LRRC4C: variants seen among roughly 807,000 people sequenced by gnomAD.
LRRC4C encodes the protein leucine rich repeat containing 4C.
Under a neutral mutation model 33.6 loss-of-function variants are expected in LRRC4C, and 5 were observed. That is an observed-to-expected ratio of 0.15 (90% CI 0.08 to 0.31). LRRC4C has a LOEUF of 0.31. Ranked by LOEUF, LRRC4C falls within the 10% of genes least tolerant of loss-of-function variation. The pLI, the probability that LRRC4C is intolerant of heterozygous loss-of-function variation, is 1.00. For synonymous variants in LRRC4C, 329 were observed against 302.0 expected, an observed-to-expected ratio of 1.09 and a Z score of -0.93; for missense variants, 560 against 796.7, an observed-to-expected ratio of 0.70 and a Z score of 3.58.
chr11:41,190,568 G>A (rs1945897842), intron 1 of LRRC4C, among the ~76,000 whole-genome samples: 1 of 152,138 alleles, frequency 6.6e-6, no homozygotes, highest in Admixed American at 6.6e-5. Flanking sequence ...CACGGTCAGA[G>A]AACTGTGCAC....
chr11:40,268,060 C>A (rs752563784), intron 4 of LRRC4C, among the ~76,000 whole-genome samples: 5 of 152,116 alleles, frequency 3.3e-5, no homozygotes, highest in Non-Finnish European at 5.9e-5. Flanking sequence ...GCGTACAGCT[C>A]CCGAGTTAGG....
chr11:40,824,257 A>G (rs1187949376), intron 2 of LRRC4C, among the ~76,000 whole-genome samples: 1 of 151,910 alleles, frequency 6.6e-6, no homozygotes, highest in Non-Finnish European at 1.5e-5. Context: ...ACATTATAGA[A>G]TTATACATTT....
intron 1 of LRRC4C, among the ~76,000 whole-genome samples, chr11:41,356,608 C>T (rs572353702): frequency 6.0e-4 from 91 of 152,184 alleles, no homozygotes; most frequent in African/African-American, 2.0e-3. Context: ...GACTTTAATC[C>T]TCCATCCTTC....
chr11:41,274,009 G>A (rs578148394), intron 1 of LRRC4C, among the ~76,000 whole-genome samples: 2 of 152,248 alleles, frequency 1.3e-5, no homozygotes, highest in East Asian at 3.9e-4. Context: ...AGGAAGCAAG[G>A]CCTGTAGGAA....
chr11:41,216,798 T>C (rs866313646), intron 1 of LRRC4C, among the ~76,000 whole-genome samples: 5 of 150,794 alleles, frequency 3.3e-5, no homozygotes, highest in Middle Eastern at 6.9e-3. Context: ...GATCTCCTCT[T>C]TCTCAATAAG....
At chr11:41,316,280 C>CAAAAAAAAAAAAAAAAAAA (rs796848005) in intron 1 of LRRC4C, among the ~76,000 whole-genome samples, 1 of 90,656 alleles carries the variant, frequency 1.1e-5, no homozygotes, top group African/African-American at 3.8e-5. Flanking sequence ...AAAAAAAAAA[C>CAAAAAAAAAAAAAAAAAAA]AAAAAAAAAC....
intron 3 of LRRC4C, among the ~76,000 whole-genome samples, chr11:40,417,829 G>A (rs1489506857): frequency 6.6e-6 from 1 of 152,130 alleles, no homozygotes; most frequent in African/African-American, 2.4e-5. Flanking sequence ...CTCTGAGGGA[G>A]TGAAGTATGG....
chr11:40,502,414 G>A (rs1954821736), intron 3 of LRRC4C, among the ~76,000 whole-genome samples: 1 of 152,110 alleles, frequency 6.6e-6, no homozygotes, highest in South Asian at 2.1e-4. Context: ...CGGGGAAGAA[G>A]AAAGGTTTAA....
chr11:41,340,390 A>G (rs79773092), intron 1 of LRRC4C, among the ~76,000 whole-genome samples: 5,016 of 152,282 alleles, frequency 0.033, 108 homozygotes, highest in African/African-American at 0.042. Context: ...TCATGAGAGT[A>G]TATGGGGCAT....
At chr11:41,202,429 A>C (rs890431398) in intron 1 of LRRC4C, among the ~76,000 whole-genome samples, 1 of 152,200 alleles carries the variant, frequency 6.6e-6, no homozygotes, top group African/African-American at 2.4e-5. Flanking sequence ...TATTAACTAC[A>C]TAAATATTCT....
chr11:40,596,203 C>T (rs1257979441), intron 3 of LRRC4C, among the ~76,000 whole-genome samples: 1 of 152,098 alleles, frequency 6.6e-6, no homozygotes, highest in Admixed American at 6.6e-5. Context: ...TAGGAGGTGG[C>T]TCTAGAAATG....
chr11:40,554,265 T>A (rs1957243623), intron 3 of LRRC4C, among the ~76,000 whole-genome samples: 1 of 152,344 alleles, frequency 6.6e-6, no homozygotes, highest in South Asian at 2.1e-4. Flanking sequence ...GTGACTTTAT[T>A]TCTAGGTTCT....
At chr11:40,706,767 G>C (rs1189284371) in intron 2 of LRRC4C, among the ~76,000 whole-genome samples, 1 of 152,100 alleles carries the variant, frequency 6.6e-6, no homozygotes, top group Non-Finnish European at 1.5e-5. Flanking sequence ...TAGCTTGATG[G>C]GGATGGCATT....
chr11:40,773,467 C>G (rs547526622), intron 2 of LRRC4C, among the ~76,000 whole-genome samples: 1 of 147,568 alleles, frequency 6.8e-6, no homozygotes, highest in Non-Finnish European at 1.5e-5. Context: ...ATCTCATGTA[C>G]CCCAGAAACA....
intron 1 of LRRC4C, among the ~76,000 whole-genome samples, chr11:41,389,405 C>A (rs980749692): frequency 6.6e-6 from 1 of 151,554 alleles, no homozygotes; most frequent in Non-Finnish European, 1.5e-5. Flanking sequence ...GTGGAAGAAT[C>A]TGGAACAAAT....
intron 3 of LRRC4C, among the ~76,000 whole-genome samples, chr11:40,484,065 G>A (rs982745335): frequency 6.6e-6 from 1 of 152,010 alleles, no homozygotes; most frequent in Non-Finnish European, 1.5e-5. Context: ...TTGGCAATAT[G>A]CCCAGCTGGA....
chr11:40,580,058 G>GGGGTGTGTGT (rs1555108784), intron 3 of LRRC4C, among the ~76,000 whole-genome samples: 18 of 145,438 alleles, frequency 1.2e-4, no homozygotes, highest in Admixed American at 1.4e-4. Context: ...GTACTTTTCA[G>GGGGTGTGTGT]GTGTGTGTGT....
At chr11:40,124,820 A>C (rs1342436726) in intron 6 of LRRC4C, among the ~76,000 whole-genome samples, 1 of 152,202 alleles carries the variant, frequency 6.6e-6, no homozygotes, top group Non-Finnish European at 1.5e-5. Context: ...AAATTGTTGT[A>C]ACACAAAGGA....
chr11:41,249,304 G>C (rs1206913371), intron 1 of LRRC4C, among the ~76,000 whole-genome samples: 1 of 152,054 alleles, frequency 6.6e-6, no homozygotes, highest in Non-Finnish European at 1.5e-5. Context: ...AAAGTGCTGG[G>C]ATTACAGGCG....
Sources: gnomAD v4.1 joint callset for allele counts (sites outside exome capture counted in the v4.1 genomes callset) on GRCh38, gnomAD v4.1.1 for gene constraint, MANE v1.5 for transcripts, NCBI Gene and HGNC (gene_info 2026-07-23, HGNC 2026-07-21) for gene names.